SLC22A23: variants seen among roughly 807,000 people sequenced by gnomAD.
SLC22A23 encodes the protein solute carrier family 22 member 23.
In SLC22A23, 26 loss-of-function variants were observed where a neutral mutation model predicts 61.0. The observed-to-expected ratio is 0.43, with a 90% CI of 0.31 to 0.59. SLC22A23 has a LOEUF of 0.59. Ranked by LOEUF, SLC22A23 falls within the 20% of genes least tolerant of loss-of-function variation. SLC22A23 has a pLI of 0.11. For missense variants in SLC22A23, 796 were observed against 934.7 expected, an observed-to-expected ratio of 0.85 and a Z score of 1.94; for synonymous variants, 430 against 413.9, an observed-to-expected ratio of 1.04 and a Z score of -0.47.
chr6:3,293,644 G>C (rs912930669), intron 5 of SLC22A23, among the ~76,000 whole-genome samples: 7 of 152,248 alleles, frequency 4.6e-5, no homozygotes, highest in Non-Finnish European at 8.8e-5. Context: ...TGAGTGAGCC[G>C]TGGCGGTCGC....
At chr6:3,368,675 C>A (rs112116442) in intron 3 of SLC22A23, among the ~76,000 whole-genome samples, 5,019 of 152,246 alleles carry the variant, frequency 0.033, 118 homozygotes, top group Non-Finnish European at 0.05. Flanking sequence ...TATGCACACA[C>A]ACACACAAAT....
intron 1 of SLC22A23, among the ~76,000 whole-genome samples, chr6:3,450,747 T>C (rs1485872492): frequency 6.6e-6 from 1 of 152,232 alleles, no homozygotes; most frequent in Non-Finnish European, 1.5e-5. Context: ...ATAAACACTT[T>C]GATTAGAACT....
chr6:3,407,864 G>A (rs1440461151), intron 3 of SLC22A23, among the ~76,000 whole-genome samples: 1 of 152,184 alleles, frequency 6.6e-6, no homozygotes, highest in Non-Finnish European at 1.5e-5. Context: ...AATTATGGAG[G>A]AAGAAAAATG....
Position 3,456,291 on chromosome 6 carries a change from C to A in SLC22A23, c.269G>T (p.Gly90Val), listed in dbSNP as rs751002225. Residue 90 changes from glycine (G) to valine (V), a missense_variant, in exon 1 of 10, where the codon GGC (glycine) becomes GTC (valine). Coordinates refer to ENST00000406686, the MANE Select transcript of SLC22A23 (RefSeq NM_015482.2). The surrounding 1 kb of genome is among the most constrained non-coding windows in gnomAD (Gnocchi z 7.1). ...YDGSVLPFLG[G>V]LGGGYQKTLV... Reference sequence around the variant, plus strand: ...GGTCTTCTGATAGCCCCCGCCCAGGCCCCCGAGGAAGGGCAGCACCGACCC... The same window carrying A: ...GGTCTTCTGATAGCCCCCGCCCAGGACCCCGAGGAAGGGCAGCACCGACCC... The A allele has an allele frequency of 6.4e-7, 1 of 1,551,078 alleles. No homozygotes were observed. Among genetic ancestry groups the A allele is most frequent in the African/African-American group, 1.4e-5 (1 of 73,028 alleles).
intron 5 of SLC22A23, 110 bp from the exon 6 acceptor site, chr6:3,289,976 A>T: frequency 1.0e-5 from 6 of 589,066 alleles, no homozygotes; most frequent in Non-Finnish European, 1.8e-5. Context: ...GAAGGGAGAG[A>T]GAAGCTTTTT....
At chr6:3,402,611 C>T (rs1348693730) in intron 3 of SLC22A23, among the ~76,000 whole-genome samples, 2 of 152,172 alleles carry the variant, frequency 1.3e-5, no homozygotes, top group African/African-American at 4.8e-5. Context: ...ATCACCTATA[C>T]TACCCAGAGT....
At position 3,309,550 on chromosome 6, in the gene SLC22A23, G is replaced by A. The variant is rs192527716; in HGVS notation, c.1083-11332C>T. Among the ~76,000 whole-genome samples the A allele has an allele frequency of 2.5e-3, 381 of 151,902 alleles. 2 individuals are homozygous for A. The highest frequency in any genetic ancestry group is 8.8e-3 in the African/African-American group (365 of 41,356). On this transcript the variant is annotated intron_variant, in intron 4 of 9. Coordinates refer to ENST00000406686, the MANE Select transcript of SLC22A23 (RefSeq NM_015482.2). This position sits in a 1 kb window ranked among gnomAD's most constrained non-coding sequence, Gnocchi z 4.7. ...GTGGGCTGACAAGCAGGTGGCACCT[G>A]ACCATAATAAGGACTGTGGGCTGAC... is the stretch of plus-strand genomic sequence containing the variant.
At chr6:3,422,210 G>T (rs11966244) in intron 1 of SLC22A23, among the ~76,000 whole-genome samples, 1 of 152,076 alleles carries the variant, frequency 6.6e-6, no homozygotes, top group East Asian at 1.9e-4. Flanking sequence ...AGAAATGTAG[G>T]GTCAGCATTT....
Position 3,272,997 on chromosome 6 carries a change from C to T in SLC22A23, c.*58G>A. ...CCTGGCTGCGTGTTCGGTCCCTGGT[C>T]TGTAAACCTGTGCCCAAGCTGCCCC... On this transcript the variant is annotated 3_prime_UTR_variant, in exon 10 of 10. Transcript: ENST00000406686. 3 of 1,453,224 alleles carry T rather than the reference C, an allele frequency of 2.1e-6. No individual in the cohort carries two copies. The highest frequency in any genetic ancestry group is 2.8e-6 in the Non-Finnish European group (3 of 1,090,818). The allele number at this position is 1,453,224 out of a possible 1,614,324, so 90.0% of individuals were successfully genotyped here. A position where few individuals can be genotyped will look rare whatever the true frequency, so the allele number is the denominator to read the frequency against.
intron 3 of SLC22A23, among the ~76,000 whole-genome samples, chr6:3,335,040 T>C (rs772156981): frequency 3.3e-5 from 5 of 152,212 alleles, no homozygotes; most frequent in African/African-American, 4.8e-5. Context: ...AAGTTGAGGC[T>C]GATAGAACGT....
At chr6:3,289,250 G>A (rs763592613) in intron 6 of SLC22A23, among the ~76,000 whole-genome samples, 6 of 152,258 alleles carry the variant, frequency 3.9e-5, no homozygotes, top group Non-Finnish European at 5.9e-5. Context: ...CCCAGCAGGC[G>A]GGGCGACCTG....
At chr6:3,417,696 G>C (rs952647611) in intron 1 of SLC22A23, among the ~76,000 whole-genome samples, 3 of 152,222 alleles carry the variant, frequency 2.0e-5, no homozygotes, top group Non-Finnish European at 2.9e-5. Context: ...GCGACTCTGA[G>C]AACTACTGGC....
intron 2 of SLC22A23, among the ~76,000 whole-genome samples, chr6:3,412,264 C>T (rs1407185277): frequency 6.6e-6 from 1 of 152,196 alleles, no homozygotes; most frequent in Non-Finnish European, 1.5e-5. Flanking sequence ...ACAAGTAAAA[C>T]TTATCAAGGT....
rs1386565281 is a variant in SLC22A23, at chr6:3,455,856, C to T, written c.654+50G>A. The T allele has an allele frequency of 9.6e-6, 14 of 1,455,184 alleles. No homozygotes were observed. In the South Asian group the frequency reaches 1.8e-4, roughly 19 times the overall value. 90.1% of individuals were successfully genotyped at this position (1,455,184 alleles called of 1,614,324 possible). ...TTCTCCCGCTGGCTCGGGCTTGGACCTCGGTCTGCAGGGAGAGGGTTGGAG... is the reference window on the plus strand; with the variant it reads ...TTCTCCCGCTGGCTCGGGCTTGGACTTCGGTCTGCAGGGAGAGGGTTGGAG... On this transcript the variant is annotated intron_variant, in intron 1 of 9. Coordinates refer to ENST00000406686, the MANE Select transcript of SLC22A23 (RefSeq NM_015482.2).
chr6:3,438,279 A>G (rs193026888), intron 1 of SLC22A23, among the ~76,000 whole-genome samples: 2 of 152,310 alleles, frequency 1.3e-5, no homozygotes, highest in East Asian at 3.9e-4. Context: ...GGAAGGGGTC[A>G]CTCTGGATAC....
rs1424622717 is a variant in SLC22A23 at position 3,308,972 on chromosome 6, A to ACC, written c.1083-10756_1083-10755dup. ...AACAAACAAACAAACCAACCAAAAA[A>ACC]CCCCAACAACCCACAGTGTGGATCG... is the stretch of plus-strand genomic sequence containing the variant. On this transcript the variant is annotated intron_variant, in intron 4 of 9. Transcript: ENST00000406686. The surrounding 1 kb of genome is among the most constrained non-coding windows in gnomAD (Gnocchi z 5.1). 6.6e-6 allele frequency among the ~76,000 whole-genome samples: 1 copy of ACC among 150,996 alleles called. No individual in the cohort carries two copies. The highest frequency in any genetic ancestry group is 2.0e-4 in the East Asian group (1 of 5,096).
chr6:3,421,556 A>G (rs2127530016), intron 1 of SLC22A23, among the ~76,000 whole-genome samples: 1 of 152,360 alleles, frequency 6.6e-6, no homozygotes, highest in Middle Eastern at 3.4e-3. Context: ...ATATGCAGGA[A>G]AAGTTAAAAG....
chr6:3,355,622 C>G (rs989726381), intron 3 of SLC22A23, among the ~76,000 whole-genome samples: 3 of 152,136 alleles, frequency 2.0e-5, no homozygotes, highest in African/African-American at 7.2e-5. Flanking sequence ...CCTCCCGCCC[C>G]GCTCCCTGTA....
chr6:3,393,910 C>T (rs746855058), intron 3 of SLC22A23, among the ~76,000 whole-genome samples: 16 of 152,194 alleles, frequency 1.1e-4, no homozygotes, highest in Admixed American at 5.9e-4. Context: ...GCCCTTCCCT[C>T]CTCTCCCTGC....
Sources: allele counts gnomAD v4.1 joint callset (sites outside exome capture counted in the v4.1 genomes callset), GRCh38; gene constraint gnomAD v4.1.1; non-coding constraint Gnocchi (gnomAD v3.1); transcripts MANE v1.5; gene names NCBI Gene and HGNC (gene_info 2026-07-23, HGNC 2026-07-21).